STAG1: variants seen among roughly 807,000 people sequenced by gnomAD.
The protein encoded by STAG1 is STAG1 cohesin complex component, also known as cohesin subunit SA-1.
In STAG1, 26 loss-of-function variants were observed where a neutral mutation model predicts 170.9. That is an observed-to-expected ratio of 0.15 (90% CI 0.11 to 0.21). The LOEUF (loss-of-function observed/expected upper bound fraction) is 0.21. Among genes scored for constraint, STAG1 ranks in the 10% least tolerant of loss-of-function variants. The pLI is 1.00. For synonymous variants in STAG1, 514 were observed against 497.7 expected, an observed-to-expected ratio of 1.03 and a Z score of -0.44; for missense variants, 964 against 1,509.5, an observed-to-expected ratio of 0.64 and a Z score of 5.99.
chr3:136,499,181 G>GT (rs1444450805), intron 9 of STAG1, among the ~76,000 whole-genome samples: 1 of 152,112 alleles, frequency 6.6e-6, no homozygotes, highest in African/African-American at 2.4e-5. Context: ...AGCTGTGTAT[G>GT]TGTGTATTTC....
intron 21 of STAG1, among the ~76,000 whole-genome samples, chr3:136,407,896 C>CAAA (rs547848988): frequency 2.6e-5 from 2 of 77,416 alleles, no homozygotes; most frequent in African/African-American, 4.9e-5. Flanking sequence ...ACTCTGTCTC[C>CAAA]AAAAAAAAAA....
chr3:136,630,925 G>A lies in STAG1; in HGVS notation c.-27C>T. 6.4e-7 allele frequency: 1 copy of A among 1,560,350 alleles called. No individual in the cohort carries two copies. Among genetic ancestry groups the A allele is most frequent in the Non-Finnish European group, 8.7e-7 (1 of 1,150,844 alleles). On this transcript the variant is annotated 5_prime_UTR_variant, in exon 2 of 34. Coordinates refer to ENST00000383202, the MANE Select transcript of STAG1 (RefSeq NM_005862.3). ...GCTGGAGAGGTCCTTTCACAATGCA[G>A]CAAAATAATCAAGTGCTGTACAACT...
At chr3:136,469,710 C>T (rs913189232) in intron 12 of STAG1, among the ~76,000 whole-genome samples, 3 of 152,182 alleles carry the variant, frequency 2.0e-5, no homozygotes, top group Non-Finnish European at 4.4e-5. Flanking sequence ...AAGCTGGAGG[C>T]ATCAGGCTAT....
chr3:136,579,958 A>ATTTTT (rs749325884), intron 4 of STAG1, among the ~76,000 whole-genome samples: 2,403 of 73,664 alleles, frequency 0.033, 510 homozygotes, highest in African/African-American at 0.068. Context: ...TACCATCTGA[A>ATTTTT]TTTTTTTTTT....
intron 1 of STAG1, among the ~76,000 whole-genome samples, chr3:136,722,973 C>T (rs1407363368): frequency 1.3e-5 from 2 of 152,230 alleles, no homozygotes; most frequent in Admixed American, 6.5e-5. Context: ...GGATTGCAGA[C>T]GGAGTCTGGT....
At chr3:136,646,740 CA>C (rs1941032108) in intron 1 of STAG1, among the ~76,000 whole-genome samples, 1 of 151,990 alleles carries the variant, frequency 6.6e-6, no homozygotes, top group South Asian at 2.1e-4. Flanking sequence ...ACTCCGTCTC[CA>C]GTAAAAATAC....
At chr3:136,485,367 G>T (rs2089986435) in intron 9 of STAG1, among the ~76,000 whole-genome samples, 1 of 152,180 alleles carries the variant, frequency 6.6e-6, no homozygotes, top group African/African-American at 2.4e-5. Flanking sequence ...TGAGGCAGGA[G>T]AATCGTTTGA....
chr3:136,531,053 C>T (rs1019178281), intron 6 of STAG1, among the ~76,000 whole-genome samples: 5 of 152,094 alleles, frequency 3.3e-5, no homozygotes, highest in Non-Finnish European at 1.5e-5. Flanking sequence ...TGCAGTGAGC[C>T]GAGATCACGC....
chr3:136,566,648 A>G (rs1209549589), intron 5 of STAG1, among the ~76,000 whole-genome samples: 1 of 152,240 alleles, frequency 6.6e-6, no homozygotes, highest in East Asian at 1.9e-4. Flanking sequence ...GGCTAAGAAA[A>G]AAAAGACATT....
chr3:136,611,601 C>T (rs1239532175), intron 3 of STAG1, among the ~76,000 whole-genome samples: 2 of 151,350 alleles, frequency 1.3e-5, no homozygotes, highest in South Asian at 2.1e-4. Context: ...CTTAAGCAAT[C>T]CTCCAGCCTA....
intron 3 of STAG1, among the ~76,000 whole-genome samples, chr3:136,608,604 C>T (rs1939082248): frequency 6.7e-6 from 1 of 148,166 alleles, no homozygotes; most frequent in African/African-American, 2.5e-5. Flanking sequence ...GACTTGATCC[C>T]AGGAGTTCCA....
At chr3:136,705,731 C>A (rs557892457) in intron 1 of STAG1, among the ~76,000 whole-genome samples, 12 of 152,238 alleles carry the variant, frequency 7.9e-5, no homozygotes, top group African/African-American at 1.9e-4. Context: ...TCTAAAGCAT[C>A]CCCAGCCATT....
At chr3:136,681,201 T>C (rs1942323114) in intron 1 of STAG1, among the ~76,000 whole-genome samples, 1 of 152,164 alleles carries the variant, frequency 6.6e-6, no homozygotes, top group African/African-American at 2.4e-5. Flanking sequence ...ATGTATATGA[T>C]ATGCAGGGCT....
intron 5 of STAG1, among the ~76,000 whole-genome samples, chr3:136,565,015 C>A (rs60291974): frequency 0.044 from 974 of 22,058 alleles, 11 homozygotes; most frequent in Middle Eastern, 0.091. Flanking sequence ...GGAAGGAAGG[C>A]AGGCAGGCAG....
intron 2 of STAG1, among the ~76,000 whole-genome samples, chr3:136,629,873 CT>C (rs1940259891): frequency 6.6e-6 from 1 of 152,164 alleles, no homozygotes; most frequent in Non-Finnish European, 1.5e-5. Flanking sequence ...TCTGCCATTC[CT>C]GTGATCACAT....
intron 1 of STAG1, among the ~76,000 whole-genome samples, chr3:136,745,019 G>A (rs1271613716): frequency 6.6e-6 from 1 of 152,068 alleles, no homozygotes; most frequent in Non-Finnish European, 1.5e-5. Context: ...ATATCAGAGT[G>A]CACTGCATAA....
chr3:136,384,021 A>G (rs901265340), intron 22 of STAG1, among the ~76,000 whole-genome samples: 1 of 151,980 alleles, frequency 6.6e-6, no homozygotes, highest in African/African-American at 2.4e-5. Flanking sequence ...CCAAAGACAC[A>G]GAGCCATTAA....
intron 1 of STAG1, among the ~76,000 whole-genome samples, chr3:136,661,335 C>T (rs1248271550): frequency 6.6e-6 from 1 of 152,046 alleles, no homozygotes; most frequent in Non-Finnish European, 1.5e-5. Flanking sequence ...CATTCCTAAC[C>T]CAAAAATCCA....
intron 6 of STAG1, 47 bp from the exon 7 acceptor site, chr3:136,521,464 T>C (rs1290167658): frequency 1.3e-6 from 2 of 1,558,928 alleles, no homozygotes; most frequent in Middle Eastern, 1.8e-4. Flanking sequence ...ATTACAGAGT[T>C]TGATGAAAGC....
Sources: gnomAD v4.1 joint callset for allele counts (sites outside exome capture counted in the v4.1 genomes callset) on GRCh38, gnomAD v4.1.1 for gene constraint, MANE v1.5 for transcripts, NCBI Gene and HGNC (gene_info 2026-07-23, HGNC 2026-07-21) for gene names.